BMP6: variants seen among roughly 807,000 people sequenced by gnomAD.
BMP6 encodes bone morphogenetic protein 6.
In BMP6, 17 loss-of-function variants were observed where a neutral mutation model predicts 54.1. That is an observed-to-expected ratio of 0.31 (90% CI 0.22 to 0.47). BMP6 has a LOEUF of 0.47. Among genes scored for constraint, BMP6 ranks in the 20% least tolerant of loss-of-function variants. BMP6 has a pLI of 1.00. For synonymous variants in BMP6, 328 were observed against 291.2 expected, an observed-to-expected ratio of 1.13 and a Z score of -1.28; for missense variants, 720 against 690.4, an observed-to-expected ratio of 1.04 and a Z score of -0.48.
intron 1 of BMP6, among the ~76,000 whole-genome samples, chr6:7,824,514 GGGGAAGCCCTAACTGAAT>G (rs1391335779): frequency 6.6e-6 from 1 of 152,182 alleles, no homozygotes; most frequent in Non-Finnish European, 1.5e-5. Context: ...TCAAAGGGGA[GGGGAAGCCCTAACTGAAT>G]ATCTAGCTAA....
chr6:7,742,027 G>A (rs528569850), intron 1 of BMP6, among the ~76,000 whole-genome samples: 8 of 152,318 alleles, frequency 5.3e-5, no homozygotes, highest in East Asian at 1.9e-4. Context: ...GGTGTATGCC[G>A]TCTCCTTCCA....
At chr6:7,825,812 T>TGGGCGTCAG in intron 1 of BMP6, among the ~76,000 whole-genome samples, 1 of 152,132 alleles carries the variant, frequency 6.6e-6, no homozygotes, top group African/African-American at 2.4e-5. Context: ...ACACACCCCT[T>TGGGCGTCAG]CTTCCAACCA....
At chr6:7,743,380 C>T (rs528938402) in intron 1 of BMP6, among the ~76,000 whole-genome samples, 11 of 152,122 alleles carry the variant, frequency 7.2e-5, no homozygotes, top group Non-Finnish European at 1.0e-4. Context: ...TCCATTTGGC[C>T]GGCTTCTGTT....
At chr6:7,732,337 G>T (rs948739388) in intron 1 of BMP6, among the ~76,000 whole-genome samples, 24 of 152,172 alleles carry the variant, frequency 1.6e-4, no homozygotes, top group African/African-American at 5.5e-4. Flanking sequence ...ACAAAAAAAA[G>T]TTGTACAAAG....
At chr6:7,770,175 G>T (rs1326378097) in intron 1 of BMP6, among the ~76,000 whole-genome samples, 1 of 152,130 alleles carries the variant, frequency 6.6e-6, no homozygotes, top group African/African-American at 2.4e-5. Flanking sequence ...AAAAAATGCA[G>T]TGGAGCATTT....
Position 7,881,145 on chromosome 6 carries a change from G to A in BMP6, c.*802G>A, listed in dbSNP as rs1382806491. 1 of 151,486 alleles carries A rather than the reference G, an allele frequency of 6.6e-6. No individual in the cohort carries two copies. The highest frequency in any genetic ancestry group is 6.6e-5 in the Admixed American group (1 of 15,256). 9.4% of individuals were successfully genotyped at this position (151,486 alleles called of 1,614,324 possible). On this transcript the variant is annotated 3_prime_UTR_variant, in exon 7 of 7. Transcript: ENST00000283147. ...ATTAACTTCTGGACTGCCGGCTCTA[G>A]TACCTTTTCAGTAAAGTGGTTCTCT...
intron 5 of BMP6, 112 bp downstream of exon 5, chr6:7,879,262 C>G: frequency 8.6e-7 from 1 of 1,158,864 alleles, no homozygotes; most frequent in Admixed American, 1.9e-5. Context: ...TGAGCTGCTT[C>G]CTTCTGTGGA....
Position 7,809,057 on chromosome 6 carries a change from T to C in BMP6, c.665-36083T>C, listed in dbSNP as rs191333132. On this transcript the variant is annotated intron_variant, in intron 1 of 6. Transcript: ENST00000283147. ...AATTTAGGGCTAATTTTTAAAAACA[T>C]AGGGGTTTGGTGAGGGCTCCATTTC... 6.0e-4 allele frequency among the ~76,000 whole-genome samples: 89 copies of C among 149,304 alleles called. 1 individual carries two copies. Among genetic ancestry groups the C allele is most frequent in the Admixed American group, 6.0e-4 (9 of 15,058 alleles).
intron 4 of BMP6, 133 bp downstream of exon 4, chr6:7,862,631 G>A (rs1000723067): frequency 5.3e-5 from 62 of 1,160,878 alleles, no homozygotes; most frequent in Non-Finnish European, 7.2e-5. Context: ...TCATATGCAT[G>A]ATGGTACCTT....
At chr6:7,824,096 G>C (rs1758655731) in intron 1 of BMP6, among the ~76,000 whole-genome samples, 1 of 152,326 alleles carries the variant, frequency 6.6e-6, no homozygotes, top group Admixed American at 6.5e-5. Context: ...AGTGTTAGTG[G>C]TGGAGGTGGT....
chr6:7,809,074 C>T (rs1052548651), intron 1 of BMP6, among the ~76,000 whole-genome samples: 16 of 151,464 alleles, frequency 1.1e-4, no homozygotes, highest in African/African-American at 2.7e-4. Context: ...TTGGTGAGGG[C>T]TCCATTTCTT....
At chr6:7,787,257 G>C (rs1379758206) in intron 1 of BMP6, among the ~76,000 whole-genome samples, 1 of 152,194 alleles carries the variant, frequency 6.6e-6, no homozygotes, top group Non-Finnish European at 1.5e-5. Context: ...TACACCATCT[G>C]TACTGAAAAA....
At chr6:7,734,259 G>A (rs1417895834) in intron 1 of BMP6, among the ~76,000 whole-genome samples, 4 of 152,182 alleles carry the variant, frequency 2.6e-5, no homozygotes, top group African/African-American at 9.7e-5. Context: ...GTGAATGTAT[G>A]TTCGCCATAG....
At position 7,861,463 on chromosome 6, in the gene BMP6, G is replaced by A. The variant is rs755624210; in HGVS notation, c.870G>A (p.Leu290=). The part of the protein sequence containing the change: ...LQEHQHRDSD[L]FLLDTRVVWA... ...TTCTTTCTTTCAGAGACTCTGACCT[G>A]TTTTTGTTGGACACCCGTGTAGTAT... is the stretch of plus-strand genomic sequence containing the variant. Residue 290 remains leucine, a synonymous_variant, in exon 3 of 7, where the codon CTG becomes CTA. Coordinates refer to ENST00000283147, the MANE Select transcript of BMP6 (RefSeq NM_001718.6). The A allele has an allele frequency of 3.1e-6, 5 of 1,614,086 alleles. No homozygotes were observed. In the South Asian group the frequency reaches 5.5e-5, roughly 18 times the overall value.
chr6:7,840,696 T>C (rs138410948), intron 1 of BMP6, among the ~76,000 whole-genome samples: 8 of 152,200 alleles, frequency 5.3e-5, no homozygotes, highest in African/African-American at 1.9e-4. Flanking sequence ...GCATGCAGTT[T>C]GTTGTTTTGT....
chr6:7,769,691 G>A (rs1053891223), intron 1 of BMP6, among the ~76,000 whole-genome samples: 1 of 151,732 alleles, frequency 6.6e-6, no homozygotes, highest in Admixed American at 6.6e-5. Context: ...AACAATTCTT[G>A]TTACAATGTG....
In BMP6 at chr6:7,741,817, G is replaced by C. The variant is rs904346574; in HGVS notation, c.664+14198G>C. On this transcript the variant is annotated intron_variant, in intron 1 of 6. Transcript: ENST00000283147. ...AAGGAGTTGGAGGTCTGAAGTTCCAGCGTTGGCTCTGCTACCCCTCAGCTG... is the reference window on the plus strand; with the variant it reads ...AAGGAGTTGGAGGTCTGAAGTTCCACCGTTGGCTCTGCTACCCCTCAGCTG... 2.0e-5 allele frequency among the ~76,000 whole-genome samples: 3 copies of C among 152,346 alleles called. No individual in the cohort carries two copies. In the South Asian group the frequency reaches 6.2e-4, roughly 32 times the overall value.
intron 1 of BMP6, among the ~76,000 whole-genome samples, chr6:7,813,108 A>AAAAATAT (rs1554122651): frequency 2.3e-4 from 5 of 21,498 alleles, no homozygotes; most frequent in Non-Finnish European, 2.3e-4. Flanking sequence ...AAAAAAAAAA[A>AAAAATAT]ATATATATAT....
At chr6:7,796,615 C>T (rs1422764617) in intron 1 of BMP6, among the ~76,000 whole-genome samples, 1 of 152,116 alleles carries the variant, frequency 6.6e-6, no homozygotes, top group African/African-American at 2.4e-5. Context: ...TGCCCTAAAC[C>T]TTACCTCTGA....
Sources: gnomAD v4.1 joint callset for allele counts (sites outside exome capture counted in the v4.1 genomes callset) on GRCh38, gnomAD v4.1.1 for gene constraint, MANE v1.5 for transcripts, NCBI Gene and HGNC (gene_info 2026-07-23, HGNC 2026-07-21) for gene names.